PLEKHA1: variants seen among roughly 807,000 people sequenced by gnomAD.
PLEKHA1 encodes pleckstrin homology domain-containing family A member 1.
A neutral mutation model predicts 52.0 loss-of-function variants in PLEKHA1; 34 were observed. The observed-to-expected ratio is 0.65, with a 90% CI of 0.50 to 0.87. PLEKHA1 has a LOEUF of 0.87. Ranked by LOEUF, PLEKHA1 falls within the 40% of genes least tolerant of loss-of-function variation. PLEKHA1 has a pLI of 0.00. For missense variants in PLEKHA1, 497 were observed against 504.2 expected, an observed-to-expected ratio of 0.99 and a Z score of 0.14; for synonymous variants, 163 against 170.7, an observed-to-expected ratio of 0.95 and a Z score of 0.35.
intron 7 of PLEKHA1, 24 bp from the exon 8 acceptor site, chr10:122,417,874 CTT>C: frequency 1.9e-6 from 3 of 1,565,006 alleles, no homozygotes; most frequent in Non-Finnish European, 2.6e-6. Context: ...AAACACAAGT[CTT>C]ATGTCTGTGT....
chr10:122,389,975 A>G (rs941866791), intron 1 of PLEKHA1, among the ~76,000 whole-genome samples: 10 of 152,178 alleles, frequency 6.6e-5, no homozygotes, highest in African/African-American at 1.2e-4. Context: ...GCATCTTCCA[A>G]TAGAAGACTT....
chr10:122,435,660 A>G (rs949251677), downstream of PLEKHA1: 2 of 152,190 alleles, frequency 1.3e-5, no homozygotes, highest in African/African-American at 4.8e-5. Context: ...AATATTTAGT[A>G]TTTGGTCCTA....
intron 11 of PLEKHA1, chr10:122,428,278 G>A (rs1490791125): frequency 3.2e-6 from 5 of 1,540,126 alleles, no homozygotes; most frequent in Admixed American, 4.0e-5. Context: ...TGTTCCAGAT[G>A]CGGCAGGCCA....
At chr10:122,386,758 T>A (rs905668725) in intron 1 of PLEKHA1, 2 of 152,222 alleles carry the variant, frequency 1.3e-5, no homozygotes, top group African/African-American at 2.4e-5. Context: ...TCTTCCTGTT[T>A]ACTAGAAGAA....
At chr10:122,435,937 T>C (rs2097436048), downstream of PLEKHA1, 1 of 151,768 alleles carries the variant, frequency 6.6e-6, no homozygotes, top group Non-Finnish European at 1.5e-5. Flanking sequence ...TTACTCAGTT[T>C]CCCCCCAACA....
intron 1 of PLEKHA1, among the ~76,000 whole-genome samples, chr10:122,385,665 T>G (rs1478768729): frequency 6.6e-6 from 1 of 152,216 alleles, no homozygotes; most frequent in African/African-American, 2.4e-5. Context: ...GATTTATTCA[T>G]GTTGTTGCAT....
intron 1 of PLEKHA1, among the ~76,000 whole-genome samples, chr10:122,384,554 C>T (rs967386005): frequency 1.4e-4 from 20 of 146,922 alleles, no homozygotes; most frequent in Admixed American, 1.4e-4. Flanking sequence ...GCCTGCAGTG[C>T]GCCGAGATCG....
In PLEKHA1 at chr10:122,428,361, A is replaced by C. The variant is rs759836734; in HGVS notation, c.901-1263A>C. The C allele has an allele frequency of 3.2e-6, 5 of 1,544,998 alleles. No individual in the cohort carries two copies. In the African/African-American group the frequency reaches 6.9e-5, roughly 21 times the overall value. ...GAATGCAGCACGTATGTGGGCTCTC[A>C]CGCAAACGTGCCTTCTTAGTGGAGG... On this transcript the variant is annotated intron_variant, in intron 11 of 11. Transcript: ENST00000368990.
intron 2 of PLEKHA1, among the ~76,000 whole-genome samples, chr10:122,396,965 G>C (rs866151425): frequency 9.9e-5 from 15 of 151,870 alleles, no homozygotes; most frequent in Admixed American, 9.2e-4. Context: ...AGCCTTCTTC[G>C]TTGGCCTCAA....
chr10:122,417,329 A>T (rs557359957), intron 7 of PLEKHA1, among the ~76,000 whole-genome samples: 5 of 143,086 alleles, frequency 3.5e-5, no homozygotes, highest in East Asian at 4.0e-4. Flanking sequence ...AAGTGCTTTT[A>T]AAAAAAAAAA....
intron 5 of PLEKHA1, among the ~76,000 whole-genome samples, chr10:122,410,082 C>T (rs1020198718): frequency 3.9e-5 from 6 of 152,140 alleles, no homozygotes; most frequent in Non-Finnish European, 8.8e-5. Flanking sequence ...CGCGCCTAGC[C>T]CAACATTATA....
At chr10:122,386,025 C>G (rs778483221) in intron 1 of PLEKHA1, among the ~76,000 whole-genome samples, 1 of 152,146 alleles carries the variant, frequency 6.6e-6, no homozygotes, top group Non-Finnish European at 1.5e-5. Flanking sequence ...CCGGGTTGTT[C>G]GCTAAGGATC....
chr10:122,433,739 G>T (rs1288364120), downstream of PLEKHA1: 1 of 152,182 alleles, frequency 6.6e-6, no homozygotes, highest in African/African-American at 2.4e-5. Context: ...CTTGAGGTTT[G>T]TGTCTGCGTT....
Position 122,393,836 on chromosome 10 carries a change from A to G in PLEKHA1, c.141+495A>G, listed in dbSNP as rs941386042. ...TAGAGACTATTATTTTTAAATAAAT[A>G]AATGACTTAACCACATGATACTCTT... On this transcript the variant is annotated intron_variant, in intron 2 of 11. Transcript: ENST00000368990. The surrounding 1 kb of genome is among the most constrained non-coding windows in gnomAD (Gnocchi z 4.5). 7.2e-5 allele frequency among the ~76,000 whole-genome samples: 11 copies of G among 152,200 alleles called. No individual in the cohort carries two copies. Among genetic ancestry groups the G allele is most frequent in the Non-Finnish European group, 1.2e-4 (8 of 68,026 alleles).
Position 122,430,150 on chromosome 10 carries a change from A to C in PLEKHA1, c.*212A>C, listed in dbSNP as rs929181037. 7.6e-6 allele frequency: 4 copies of C among 525,654 alleles called. No individual in the cohort carries two copies. Among genetic ancestry groups the C allele is most frequent in the East Asian group, 3.2e-5 (1 of 30,846 alleles). The allele number at this position is 525,654 out of a possible 1,614,324, so 32.6% of individuals were successfully genotyped here. A position where few individuals can be genotyped will look rare whatever the true frequency, so the allele number is the denominator to read the frequency against. On this transcript the variant is annotated 3_prime_UTR_variant, in exon 12 of 12. Transcript: ENST00000368990. The stretch of plus-strand genomic sequence containing the variant: ...AAAAGAAAGAAAAAGGAAAAATCCA[A>C]AATATCTCAGTATCATCTGTCTGAA...
At chr10:122,428,313 A>C (rs1368956435) in intron 11 of PLEKHA1, 7 of 1,547,002 alleles carry the variant, frequency 4.5e-6, no homozygotes, top group Non-Finnish European at 6.1e-6. Flanking sequence ...CCTTGTATAC[A>C]GAGGTATACA....
intron 1 of PLEKHA1, among the ~76,000 whole-genome samples, chr10:122,390,134 T>C (rs2096756711): frequency 6.6e-6 from 1 of 152,248 alleles, no homozygotes; most frequent in African/African-American, 2.4e-5. Context: ...TTAAAAGTCA[T>C]GAACCAACAA....
chr10:122,428,952 A>G (rs2097380578), intron 11 of PLEKHA1, among the ~76,000 whole-genome samples: 3 of 152,212 alleles, frequency 2.0e-5, no homozygotes, highest in Admixed American at 1.3e-4. Flanking sequence ...TAATTATTTC[A>G]CCACAGTTTA....
chr10:122,414,728 C>A (rs1288863228), intron 6 of PLEKHA1, among the ~76,000 whole-genome samples: 1 of 151,966 alleles, frequency 6.6e-6, no homozygotes, highest in Admixed American at 6.6e-5. Context: ...GGAAAAAATA[C>A]AAATTAAGAG....
Sources: allele counts gnomAD v4.1 joint callset (sites outside exome capture counted in the v4.1 genomes callset), GRCh38; gene constraint gnomAD v4.1.1; non-coding constraint Gnocchi (gnomAD v3.1); transcripts MANE v1.5; gene names NCBI Gene and HGNC (gene_info 2026-07-23, HGNC 2026-07-21).